LCORL: variants seen among roughly 807,000 people sequenced by gnomAD.
The protein encoded by LCORL is ligand-dependent nuclear receptor corepressor-like protein.
A neutral mutation model predicts 141.8 loss-of-function variants in LCORL; 41 were observed. The observed-to-expected ratio is 0.29, with a 90% CI of 0.23 to 0.38. The LOEUF is 0.38. Ranked by LOEUF, LCORL falls within the 10% of genes least tolerant of loss-of-function variation. The probability of loss-of-function intolerance (pLI) is 1.00; values close to 1 mark genes in which losing one functional copy is unlikely to be tolerated. For missense variants in LCORL, 1,759 were observed against 2,035.0 expected, an observed-to-expected ratio of 0.86 and a Z score of 2.61; for synonymous variants, 618 against 694.1, an observed-to-expected ratio of 0.89 and a Z score of 1.72.
At chr4:17,939,545 C>G (rs1040571020) in intron 4 of LCORL, among the ~76,000 whole-genome samples, 1 of 151,942 alleles carries the variant, frequency 6.6e-6, no homozygotes, top group African/African-American at 2.4e-5. Context: ...TTAATAATCC[C>G]TAGCTATTTA....
At chr4:17,888,614 T>C (rs568995564) in intron 5 of LCORL, among the ~76,000 whole-genome samples, 3 of 152,274 alleles carry the variant, frequency 2.0e-5, no homozygotes, top group African/African-American at 7.2e-5. Context: ...CATCCTATAA[T>C]ACTTATGAAA....
At chr4:17,981,077 T>G (rs1717897147) in intron 1 of LCORL, among the ~76,000 whole-genome samples, 1 of 152,176 alleles carries the variant, frequency 6.6e-6, no homozygotes, top group South Asian at 2.1e-4. Flanking sequence ...TAGAGTTCAT[T>G]TGTATAAGTA....
intron 5 of LCORL, among the ~76,000 whole-genome samples, chr4:17,891,574 CAGTA>C (rs1334943962): frequency 2.6e-5 from 4 of 152,024 alleles, no homozygotes; most frequent in African/African-American, 9.7e-5. Context: ...TTAACACTGC[CAGTA>C]AGGCATTAAT....
At chr4:17,988,098 C>T (rs1338359830) in intron 1 of LCORL, among the ~76,000 whole-genome samples, 2 of 152,110 alleles carry the variant, frequency 1.3e-5, no homozygotes, top group Non-Finnish European at 2.9e-5. Context: ...ATATTTGATG[C>T]TTTTAAAAAT....
chr4:18,001,253 GGATAT>G (rs1475546600), intron 1 of LCORL, among the ~76,000 whole-genome samples: 1 of 152,018 alleles, frequency 6.6e-6, no homozygotes, highest in Non-Finnish European at 1.5e-5. Context: ...GAGGATTAAA[GGATAT>G]AATACATGTA....
intron 4 of LCORL, among the ~76,000 whole-genome samples, chr4:17,950,159 A>G (rs1183475666): frequency 6.6e-6 from 1 of 152,152 alleles, no homozygotes; most frequent in Non-Finnish European, 1.5e-5. Context: ...AGAGCCCTTA[A>G]AGTAATGTTA....
chr4:17,935,739 G>GT (rs1207442209), intron 4 of LCORL, among the ~76,000 whole-genome samples: 1 of 152,138 alleles, frequency 6.6e-6, no homozygotes, highest in Non-Finnish European at 1.5e-5. Context: ...CTGCAGAACC[G>GT]TGAGTCAAAA....
chr4:18,021,683 CTGAGCGGCGGCGGCGGCGGCGGCA>C lies in LCORL; in HGVS notation c.45_68del (p.Ala16_Gln23del). 1.3e-6 allele frequency: 2 copies of C among 1,537,904 alleles called. No individual in the cohort carries two copies. The highest frequency in any genetic ancestry group is 1.8e-6 in the Non-Finnish European group (2 of 1,141,122). ...CCGCCGCGCACCGAGGGCTCCGGCACTGAGCGGCGGCGGCGGCGGCGGCAGCAGCGGCGGCGGCAGCGGCCATTC... is the reference window on the plus strand; with the variant it reads ...CCGCCGCGCACCGAGGGCTCCGGCACGCAGCGGCGGCGGCAGCGGCCATTC... On this transcript the variant is annotated inframe_deletion, in exon 1 of 8. Transcript: ENST00000635767. This position sits in a 1 kb window ranked among gnomAD's most constrained non-coding sequence, Gnocchi z 5.5.
intron 6 of LCORL, chr4:17,880,523 T>C (rs1162460715): frequency 3.5e-5 from 33 of 955,504 alleles, no homozygotes; most frequent in Non-Finnish European, 4.1e-5. Flanking sequence ...GAATATTTCT[T>C]CAGAAAAAGT....
intron 6 of LCORL, chr4:17,880,552 T>C (rs1362518962): frequency 1.0e-6 from 1 of 959,622 alleles, no homozygotes; most frequent in Non-Finnish European, 1.2e-6. Context: ...ATACTATATT[T>C]AATAAAACTG....
At chr4:17,882,713 G>A in intron 6 of LCORL, 1 of 984,334 alleles carries the variant, frequency 1.0e-6, no homozygotes. Flanking sequence ...TGTCACAGCA[G>A]CAAATATATT....
chr4:17,971,508 A>G (rs1421704954), intron 2 of LCORL, among the ~76,000 whole-genome samples: 1 of 150,832 alleles, frequency 6.6e-6, no homozygotes. Context: ...GCAGCCTTAT[A>G]CAGAATACAT....
intron 4 of LCORL, chr4:17,912,084 C>T: frequency 1.4e-6 from 1 of 726,350 alleles, no homozygotes; most frequent in Non-Finnish European, 2.6e-6. Flanking sequence ...GGAGCCATTA[C>T]TTCAAGACCA....
At chr4:17,896,440 C>T (rs1729939889) in intron 5 of LCORL, among the ~76,000 whole-genome samples, 1 of 152,148 alleles carries the variant, frequency 6.6e-6, no homozygotes, top group South Asian at 2.1e-4. Context: ...TGTACCACCA[C>T]ACCCAGATAA....
intron 1 of LCORL, among the ~76,000 whole-genome samples, chr4:18,007,524 A>G (rs1329503689): frequency 1.3e-5 from 2 of 152,200 alleles, no homozygotes; most frequent in Admixed American, 1.3e-4. Flanking sequence ...CGTATTCTGT[A>G]GTCAGAGAGC....
chr4:17,932,474 C>A (rs1353812484), intron 4 of LCORL, among the ~76,000 whole-genome samples: 1 of 152,090 alleles, frequency 6.6e-6, no homozygotes, highest in Non-Finnish European at 1.5e-5. Flanking sequence ...CAAATGATAT[C>A]TTTGATTCCT....
chr4:17,943,813 G>A (rs1738382284), intron 4 of LCORL, among the ~76,000 whole-genome samples: 1 of 152,114 alleles, frequency 6.6e-6, no homozygotes, highest in Non-Finnish European at 1.5e-5. Flanking sequence ...TTTGGCGGGG[G>A]TAGGTTAAGG....
chr4:17,921,632 T>A lies in LCORL; in HGVS notation c.431-12287A>T, dbSNP rs144227002. Among the ~76,000 whole-genome samples the A allele has an allele frequency of 2.6e-3, 403 of 152,188 alleles. 3 individuals are homozygous for A. Among genetic ancestry groups the A allele is most frequent in the African/African-American group, 9.1e-3 (377 of 41,506 alleles). On this transcript the variant is annotated intron_variant, in intron 4 of 7. Transcript: ENST00000635767. ...TTTGAAAGGAATTCTTTCTTCTGAG[T>A]GGTAGGTCTCAACAATGGATGTGAT... is the stretch of plus-strand genomic sequence containing the variant.
intron 2 of LCORL, among the ~76,000 whole-genome samples, chr4:17,971,594 G>A (rs7661148): frequency 0.13 from 19,169 of 149,952 alleles, 1,350 homozygotes; most frequent in South Asian, 0.26. Flanking sequence ...TTTTGGCTTT[G>A]AATATTTATT....
Sources: gnomAD v4.1 joint callset for allele counts (sites outside exome capture counted in the v4.1 genomes callset) on GRCh38, gnomAD v4.1.1 for gene constraint, Gnocchi (gnomAD v3.1) non-coding constraint, MANE v1.5 for transcripts, NCBI Gene and HGNC (gene_info 2026-07-23, HGNC 2026-07-21) for gene names.